Variants in UPP1 observed in about 807,000 individuals in gnomAD.
The protein encoded by UPP1 is UPase 1.
A neutral mutation model predicts 29.6 loss-of-function variants in UPP1; 25 were observed. The observed-to-expected ratio is 0.85, with a 90% CI of 0.62 to 1.18. The LOEUF (loss-of-function observed/expected upper bound fraction) is 1.18. UPP1 is among the 50% of genes most tolerant of loss of function. UPP1 has a pLI of 0.00. For missense variants in UPP1, 368 were observed against 410.4 expected, an observed-to-expected ratio of 0.90 and a Z score of 0.89; for synonymous variants, 165 against 159.8, an observed-to-expected ratio of 1.03 and a Z score of -0.25.
At position 48,093,895 on chromosome 7, in the gene UPP1, C is replaced by T. The variant is rs1692186861; in HGVS notation, c.-21-868C>T. On this transcript the variant is annotated intron_variant, in intron 2 of 8. Transcript: ENST00000395564. The stretch of plus-strand genomic sequence containing the variant: ...GAGGCAGAGGCCAGGCGCAGTGGCT[C>T]ACACCTGTAATCCCAGCACTTTGGG... Among the ~76,000 whole-genome samples, 3 of 152,314 alleles carry T rather than the reference C, an allele frequency of 2.0e-5. No homozygotes were observed. In the South Asian group the frequency reaches 6.2e-4, roughly 32 times the overall value.
At chr7:48,105,907 T>C (rs1371595129) in intron 6 of UPP1, 1 of 152,162 alleles carries the variant, frequency 6.6e-6, no homozygotes, top group South Asian at 2.1e-4. Flanking sequence ...TCCAGGTCCA[T>C]AACAATGGTC....
At chr7:48,100,134 C>T (rs905338630) in intron 4 of UPP1, among the ~76,000 whole-genome samples, 1 of 152,214 alleles carries the variant, frequency 6.6e-6, no homozygotes, top group Non-Finnish European at 1.5e-5. Context: ...GTAGAGCCTA[C>T]TACTTGCCTG....
At chr7:48,099,465 C>T (rs952270358) in intron 3 of UPP1, among the ~76,000 whole-genome samples, 1 of 152,050 alleles carries the variant, frequency 6.6e-6, no homozygotes, top group African/African-American at 2.4e-5. Context: ...ATGGGAGCAA[C>T]AGGGGTTAAG....
intron 4 of UPP1, among the ~76,000 whole-genome samples, chr7:48,101,030 CT>C (rs1792390365): frequency 6.6e-6 from 1 of 152,062 alleles, no homozygotes; most frequent in Admixed American, 6.5e-5. Flanking sequence ...CCTCAGCCTC[CT>C]GAGTAGCTGG....
intron 6 of UPP1, chr7:48,103,687 C>G (rs1792559593): frequency 1.7e-6 from 2 of 1,202,798 alleles, no homozygotes; most frequent in Admixed American, 2.6e-5. Context: ...TTTGTGCCTT[C>G]TTGTCTGCTT....
chr7:48,091,656 C>G (rs567665663), intron 2 of UPP1, among the ~76,000 whole-genome samples: 1 of 152,348 alleles, frequency 6.6e-6, no homozygotes, highest in East Asian at 1.9e-4. Flanking sequence ...GCAACTTTCT[C>G]TGCCTACGTG....
At chr7:48,099,910 T>A in intron 4 of UPP1, 123 bp downstream of exon 4, 1 of 701,574 alleles carries the variant, frequency 1.4e-6, no homozygotes, top group Non-Finnish European at 2.4e-6. Flanking sequence ...GAAGACATAA[T>A]GTTTACCAAA....
At chr7:48,094,932 T>C in intron 3 of UPP1, 105 bp downstream of exon 3, 1 of 1,332,150 alleles carries the variant, frequency 7.5e-7, no homozygotes. Context: ...TATTAACACA[T>C]TTGATGCTTG....
At chr7:48,103,975 A>G (rs1487867731) in intron 6 of UPP1, 6 of 1,152,604 alleles carry the variant, frequency 5.2e-6, no homozygotes, top group African/African-American at 3.2e-5. Context: ...ATCCCAGCAC[A>G]TTGGGAGGCC....
chr7:48,103,940 C>T, intron 6 of UPP1: 1 of 1,260,238 alleles, frequency 7.9e-7, no homozygotes, highest in Non-Finnish European at 1.0e-6. Flanking sequence ...AGATGGTTGG[C>T]CGGGCGCGGT....
At chr7:48,094,599 T>A (rs2128809480) in intron 2 of UPP1, among the ~76,000 whole-genome samples, 164 bp from the exon 3 acceptor site, 1 of 152,234 alleles carries the variant, frequency 6.6e-6, no homozygotes, top group Non-Finnish European at 1.5e-5. Context: ...ACATACACAC[T>A]CTCCTCTCTC....
chr7:48,106,333 TG>T (rs1792733015), intron 6 of UPP1: 1 of 153,660 alleles, frequency 6.5e-6, no homozygotes, highest in Non-Finnish European at 1.4e-5. Context: ...TCTTTCGAAA[TG>T]GAGTTTGCTC....
intron 5 of UPP1, 27 bp downstream of exon 5, chr7:48,102,009 A>G (rs1267840535): frequency 6.2e-7 from 1 of 1,607,384 alleles, no homozygotes. Flanking sequence ...CCTTGTGCTC[A>G]GTCTCTAGGC....
At position 48,094,831 on chromosome 7, in the gene UPP1, A is replaced by C. The variant is rs1306580225; in HGVS notation, c.44+4A>C. The C allele has an allele frequency of 4.4e-6, 7 of 1,604,276 alleles. No individual in the cohort carries two copies. Among genetic ancestry groups the C allele is most frequent in the Non-Finnish European group, 6.0e-6 (7 of 1,173,052 alleles). On this transcript the variant is annotated splice_donor_region_variant and intron_variant, in intron 3 of 8. Transcript: ENST00000395564. The stretch of plus-strand genomic sequence containing the variant: ...CAGAGAAAGCTGAAAGTCACAAGTA[A>C]GGCTCCATTTCATTCCAGGTTGGGT...
chr7:48,094,866 T>A, intron 3 of UPP1, 39 bp downstream of exon 3: 1 of 1,609,576 alleles, frequency 6.2e-7, no homozygotes, highest in Admixed American at 1.7e-5. Context: ...TTGGGTGGGG[T>A]TGGGTTGTTT....
In UPP1 at chr7:48,107,448, G is replaced by T. The variant is rs368798686; in HGVS notation, c.734G>T (p.Arg245Leu). The change falls in exon 8 of 9, where the codon CGC becomes CTC. Residue 245 changes from arginine (R) to leucine (L), a missense_variant. Arg to Leu is a moderately radical substitution (Grantham distance 102). Transcript: ENST00000395564. ...YLEAAYAAGVRNIEMESSVFA... is the reference protein window; with the variant it reads ...YLEAAYAAGVLNIEMESSVFA... ...GAGGCAGCCTATGCAGCCGGCGTCC[G>T]CAATATCGAGATGGAGTCCTCGGTG... 3 of 1,614,176 alleles carry T rather than the reference G, an allele frequency of 1.9e-6. No individual in the cohort carries two copies. Among genetic ancestry groups the T allele is most frequent in the African/African-American group, 1.3e-5 (1 of 75,062 alleles).
At chr7:48,101,788 A>G (rs767538313) in intron 4 of UPP1, 36 bp from the exon 5 acceptor site, 1 of 1,598,866 alleles carries the variant, frequency 6.3e-7, no homozygotes, top group Non-Finnish European at 8.5e-7. Flanking sequence ...TGCTATAGAC[A>G]GTGCACTAAT....
intron 2 of UPP1, among the ~76,000 whole-genome samples, chr7:48,092,300 C>A (rs1444662829): frequency 6.6e-6 from 1 of 152,196 alleles, no homozygotes; most frequent in East Asian, 1.9e-4. Flanking sequence ...AACCCTACTT[C>A]TTCCCTCAGT....
At chr7:48,102,206 G>T (rs922831168) in intron 5 of UPP1, among the ~76,000 whole-genome samples, 2 of 152,160 alleles carry the variant, frequency 1.3e-5, no homozygotes, top group African/African-American at 4.8e-5. Context: ...CATATACACC[G>T]CTGTCTGTCT....
Sources: allele counts gnomAD v4.1 joint callset (sites outside exome capture counted in the v4.1 genomes callset), GRCh38; gene constraint gnomAD v4.1.1; transcripts MANE v1.5; gene names NCBI Gene and HGNC (gene_info 2026-07-23, HGNC 2026-07-21).